STARD13: variants seen among roughly 807,000 people sequenced by gnomAD.
The protein encoded by STARD13 is StAR related lipid transfer domain containing 13, also known as stAR-related lipid transfer protein 13.
Under a neutral mutation model 106.4 loss-of-function variants are expected in STARD13, and 62 were observed. The ratio of observed to expected loss-of-function variants is 0.58; its 90% CI spans 0.48 to 0.72. The LOEUF (loss-of-function observed/expected upper bound fraction) is 0.72, where lower values mean the gene tolerates loss of function less well. STARD13 is among the 30% of genes least tolerant of loss of function. The pLI is 0.00. For missense variants in STARD13, 1,387 were observed against 1,424.0 expected, an observed-to-expected ratio of 0.97 and a Z score of 0.42; for synonymous variants, 565 against 553.0, an observed-to-expected ratio of 1.02 and a Z score of -0.31.
At chr13:33,134,543 C>A (rs1878800900) in intron 4 of STARD13, among the ~76,000 whole-genome samples, 1 of 152,176 alleles carries the variant, frequency 6.6e-6, no homozygotes, top group Non-Finnish European at 1.5e-5. Flanking sequence ...TGTTTTTAAA[C>A]TGTAAAGATG....
intron 1 of STARD13, among the ~76,000 whole-genome samples, chr13:33,306,262 G>C (rs4943095): frequency 0.96 from 146,490 of 152,302 alleles, 70,711 homozygotes; most frequent in East Asian, 1. Context: ...GCTGGGAAAA[G>C]TGACTAGCTA....
intron 1 of STARD13, among the ~76,000 whole-genome samples, chr13:33,224,819 T>C (rs1888536570): frequency 1.3e-5 from 2 of 152,342 alleles, no homozygotes; most frequent in Middle Eastern, 3.4e-3. Flanking sequence ...ACAAATGAGA[T>C]GTAAAACATC....
At chr13:33,319,518 G>T (rs1205844232) in intron 1 of STARD13, among the ~76,000 whole-genome samples, 1 of 152,150 alleles carries the variant, frequency 6.6e-6, no homozygotes, top group Non-Finnish European at 1.5e-5. Context: ...TTTTATAAGG[G>T]TGTATTTTAT....
chr13:33,396,566 G>T, the STARD13 span, among the ~76,000 whole-genome samples: 4 of 152,058 alleles, frequency 2.6e-5, no homozygotes, highest in Admixed American at 6.6e-5. Context: ...CAGTATAACT[G>T]TTATATTATT....
At chr13:33,474,993 G>C in the STARD13 span, among the ~76,000 whole-genome samples, 79,027 of 151,926 alleles carry the variant, frequency 0.52, 21,404 homozygotes, top group African/African-American at 0.68. Context: ...GAAATCTAGA[G>C]AAACTGTTAA....
chr13:33,286,722 A>G (rs74045791), upstream of STARD13, among the ~76,000 whole-genome samples: 2,501 of 152,184 alleles, frequency 0.016, 64 homozygotes, highest in African/African-American at 0.055. Context: ...AATGGGGGGA[A>G]TTCTGATAGG....
At chr13:33,234,019 C>T (rs1889062684) in intron 1 of STARD13, among the ~76,000 whole-genome samples, 1 of 152,224 alleles carries the variant, frequency 6.6e-6, no homozygotes, top group Non-Finnish European at 1.5e-5. Flanking sequence ...GCACCAGGCC[C>T]TCACTGTCCC....
chr13:33,547,899 A>T, the STARD13 span, among the ~76,000 whole-genome samples: 1 of 152,216 alleles, frequency 6.6e-6, no homozygotes, highest in African/African-American at 2.4e-5. Context: ...TAGGTTAATG[A>T]AATAAAAAGT....
chr13:33,505,298 T>C, the STARD13 span, among the ~76,000 whole-genome samples: 1,303 of 152,266 alleles, frequency 8.6e-3, 23 homozygotes, highest in African/African-American at 0.027. Flanking sequence ...AGTTGGTAAT[T>C]GGTATGGCTG....
At chr13:33,404,629 G>A in the STARD13 span, among the ~76,000 whole-genome samples, 1 of 152,142 alleles carries the variant, frequency 6.6e-6, no homozygotes, top group African/African-American at 2.4e-5. Flanking sequence ...AACACCACAT[G>A]TGGGCATTGA....
chr13:33,259,996 CAAAAAA>C (rs35410044), intron 1 of STARD13, among the ~76,000 whole-genome samples: 4 of 101,986 alleles, frequency 3.9e-5, no homozygotes, highest in African/African-American at 3.6e-5. Context: ...ATTCCATCTC[CAAAAAA>C]AAAAAAAAAA....
the STARD13 span, among the ~76,000 whole-genome samples, chr13:33,540,771 T>A: frequency 1.3e-5 from 2 of 152,164 alleles, no homozygotes; most frequent in Non-Finnish European, 2.9e-5. Flanking sequence ...AGGAAGTTGA[T>A]AATTTGAGGA....
chr13:33,124,081 G>A (rs1271275819), intron 7 of STARD13, among the ~76,000 whole-genome samples: 1 of 152,134 alleles, frequency 6.6e-6, no homozygotes, highest in Admixed American at 6.5e-5. Flanking sequence ...TTTTCCCCTC[G>A]CTTTTCTGAT....
downstream of STARD13, among the ~76,000 whole-genome samples, chr13:33,346,831 G>T (rs543263207): frequency 5.9e-5 from 9 of 151,754 alleles, no homozygotes; most frequent in South Asian, 1.9e-3. Context: ...TAGAGATGGG[G>T]TTTCACTATG....
At chr13:33,159,481 T>C (rs1020086948) in intron 3 of STARD13, among the ~76,000 whole-genome samples, 1 of 152,210 alleles carries the variant, frequency 6.6e-6, no homozygotes, top group African/African-American at 2.4e-5. Context: ...AAGCCACCTA[T>C]ATCATCCTGT....
At chr13:33,404,632 G>C in the STARD13 span, among the ~76,000 whole-genome samples, 1 of 152,084 alleles carries the variant, frequency 6.6e-6, no homozygotes, top group Non-Finnish European at 1.5e-5. Context: ...ACCACATGTG[G>C]GCATTGAATT....
chr13:33,433,051 G>A, the STARD13 span, among the ~76,000 whole-genome samples: 5 of 152,130 alleles, frequency 3.3e-5, no homozygotes, highest in Admixed American at 1.3e-4. Flanking sequence ...GAACAAATGA[G>A]AAGATTAAAA....
chr13:33,552,761 G>C, the STARD13 span, among the ~76,000 whole-genome samples: 1 of 152,078 alleles, frequency 6.6e-6, no homozygotes. Context: ...GACAAACTAT[G>C]TTTCCATATA....
chr13:33,112,952 G>A (rs1435755207), intron 8 of STARD13, 21 bp from the exon 9 acceptor site: 9 of 1,574,488 alleles, frequency 5.7e-6, no homozygotes, highest in Middle Eastern at 1.8e-4. Flanking sequence ...GTGGATGCCA[G>A]GTCATTGGAG....
Sources: allele counts gnomAD v4.1 joint callset (sites outside exome capture counted in the v4.1 genomes callset), GRCh38; gene constraint gnomAD v4.1.1; transcripts MANE v1.5; gene names NCBI Gene and HGNC (gene_info 2026-07-23, HGNC 2026-07-21).